BDH1: variants seen among roughly 807,000 people sequenced by gnomAD.
BDH1 encodes 3-hydroxybutyrate dehydrogenase 1.
A neutral mutation model predicts 33.1 loss-of-function variants in BDH1; 30 were observed. The observed-to-expected ratio is 0.91, with a 90% CI of 0.68 to 1.23. The LOEUF (loss-of-function observed/expected upper bound fraction) is 1.23. Ranked by LOEUF, BDH1 falls within the 50% of genes most tolerant of loss-of-function variation. The pLI is 0.00. For synonymous variants in BDH1, 190 were observed against 183.6 expected (o/e 1.03, Z -0.28); for missense variants, 443 against 464.4 (o/e 0.95, Z 0.42).
chr3:197,535,260 G>A lies in BDH1; in HGVS notation c.84-1699C>T, dbSNP rs868818471. 6.6e-5 allele frequency among the ~76,000 whole-genome samples: 10 copies of A among 152,256 alleles called. No homozygotes were observed. The South Asian group carries it at 8.3e-4, about 13-fold the overall frequency. On this transcript the variant is annotated intron_variant, in intron 3 of 7. Transcript: ENST00000392379. ...TCTTTTGCCCATATTCTATTGAATC[G>A]TTCATTCTTCTACCCCGTTGAATGT...
intron 1 of BDH1, among the ~76,000 whole-genome samples, chr3:197,569,098 T>C (rs1717524031): frequency 6.6e-6 from 1 of 152,190 alleles, no homozygotes; most frequent in South Asian, 2.1e-4. Context: ...CCCACAACAA[T>C]ACAACCAGGA....
At chr3:197,538,860 G>A (rs959120901) in intron 3 of BDH1, 1 of 161,940 alleles carries the variant, frequency 6.2e-6, no homozygotes, top group African/African-American at 2.4e-5. Context: ...ATGGTCTCAA[G>A]TGATCAGGAT....
Position 197,510,739 on chromosome 3 carries a change from T to C in BDH1, c.*1156A>G, listed in dbSNP as rs1436492246. 1.4e-5 allele frequency: 2 copies of C among 143,254 alleles called. No individual in the cohort carries two copies. Among genetic ancestry groups the C allele is most frequent in the African/African-American group, 2.6e-5 (1 of 37,962 alleles). 8.9% of individuals were successfully genotyped at this position (143,254 alleles called of 1,614,324 possible). On this transcript the variant is annotated 3_prime_UTR_variant, in exon 8 of 8. Coordinates refer to ENST00000392379, the MANE Select transcript of BDH1 (RefSeq NM_203314.3). ...TGTGTACATGTGTGTAAGCACCACGTGAGGCAAGCAGGGACCCCAAATCCA... is the reference window on the plus strand; with the variant it reads ...TGTGTACATGTGTGTAAGCACCACGCGAGGCAAGCAGGGACCCCAAATCCA...
chr3:197,565,335 A>T (rs9862739), intron 1 of BDH1, among the ~76,000 whole-genome samples: 8,515 of 152,240 alleles, frequency 0.056, 312 homozygotes, highest in African/African-American at 0.087. Flanking sequence ...GGTCAAATGA[A>T]TGACTTATTT....
upstream of BDH1, among the ~76,000 whole-genome samples, chr3:197,556,699 G>C (rs1717063605): frequency 6.6e-6 from 1 of 152,084 alleles, no homozygotes. Flanking sequence ...TGCTTCTCAG[G>C]GTCTTTAAAA....
At chr3:197,565,295 C>CT (rs949357518) in intron 1 of BDH1, among the ~76,000 whole-genome samples, 13 of 151,906 alleles carry the variant, frequency 8.6e-5, no homozygotes, top group Admixed American at 5.2e-4. Context: ...AGGTTTTTGC[C>CT]TTTTTTTTAA....
chr3:197,539,716 C>T (rs909042750), intron 3 of BDH1, among the ~76,000 whole-genome samples: 9 of 152,116 alleles, frequency 5.9e-5, no homozygotes, highest in Admixed American at 3.3e-4. Context: ...CTTGTGGCCC[C>T]GACCCAGGAA....
intron 1 of BDH1, among the ~76,000 whole-genome samples, chr3:197,571,155 T>A (rs1560350467): frequency 6.6e-6 from 1 of 152,230 alleles, no homozygotes; most frequent in Non-Finnish European, 1.5e-5. Flanking sequence ...GACCCATTTC[T>A]CCCATTTGGA....
chr3:197,566,021 A>G (rs943064148), intron 1 of BDH1, among the ~76,000 whole-genome samples: 4 of 152,232 alleles, frequency 2.6e-5, no homozygotes, highest in Non-Finnish European at 5.9e-5. Context: ...TTTCAGATAC[A>G]AGAAAACGTC....
intron 1 of BDH1, among the ~76,000 whole-genome samples, chr3:197,565,511 C>G (rs1349014082): frequency 1.3e-5 from 2 of 152,030 alleles, no homozygotes; most frequent in African/African-American, 2.4e-5. Flanking sequence ...AAAAATCATA[C>G]AGGAAACTTT....
chr3:197,542,249 C>G (rs1312560514), intron 3 of BDH1, among the ~76,000 whole-genome samples: 2 of 152,230 alleles, frequency 1.3e-5, no homozygotes, highest in Admixed American at 6.5e-5. Flanking sequence ...TGGCCCTAGA[C>G]TTCTAGGGGT....
rs911887847 is a variant in BDH1 at position 197,520,916 on chromosome 3, T to C, written c.409+1724A>G. On this transcript the variant is annotated intron_variant, in intron 6 of 7. Coordinates refer to ENST00000392379, the MANE Select transcript of BDH1 (RefSeq NM_203314.3). This position sits in a 1 kb window ranked among gnomAD's most constrained non-coding sequence, Gnocchi z 6.0. ...AACAGAGAGGCCTGTGAATGGCCTG[T>C]TGGGAGGATGGGAGCGACAGTGGGC... is the stretch of plus-strand genomic sequence containing the variant. 5.9e-5 allele frequency among the ~76,000 whole-genome samples: 9 copies of C among 152,066 alleles called. No individual in the cohort carries two copies. Among genetic ancestry groups the C allele is most frequent in the African/African-American group, 2.2e-4 (9 of 41,392 alleles).
In BDH1 at chr3:197,532,526, T is replaced by C. The variant is rs780034347; in HGVS notation, c.157-4A>G. The C allele has an allele frequency of 1.9e-6, 3 of 1,611,294 alleles. No homozygotes were observed. In the South Asian group the frequency reaches 3.3e-5, roughly 18 times the overall value. ...CCAGGACAGCTTTGCTGCCAACCTG[T>C]TTTACAAGGTCAGATTCCATGTTAG... On this transcript the variant is annotated splice_region_variant and splice_polypyrimidine_tract_variant and intron_variant, in intron 4 of 7. Transcript: ENST00000392379.
At chr3:197,548,697 A>G (rs1441778500) in intron 2 of BDH1, among the ~76,000 whole-genome samples, 1 of 151,122 alleles carries the variant, frequency 6.6e-6, no homozygotes, top group Non-Finnish European at 1.5e-5. Flanking sequence ...CTAAAAATAC[A>G]AAAAATAGCC....
intron 1 of BDH1, among the ~76,000 whole-genome samples, chr3:197,561,726 G>A (rs1010874066): frequency 4.6e-5 from 7 of 151,954 alleles, no homozygotes; most frequent in Middle Eastern, 6.8e-3. Context: ...TCCAAATTAC[G>A]GGTAACAAAG....
At chr3:197,524,531 C>T (rs980146254) in intron 5 of BDH1, among the ~76,000 whole-genome samples, 4 of 152,134 alleles carry the variant, frequency 2.6e-5, no homozygotes, top group Non-Finnish European at 4.4e-5. Context: ...AGGTGCTGGA[C>T]GTAGTCACCC....
chr3:197,529,302 G>T, intron 5 of BDH1: 1 of 152,376 alleles, frequency 6.6e-6, no homozygotes, highest in Non-Finnish European at 1.5e-5. Context: ...GTTAATACCG[G>T]TTGAGCATCC....
intron 1 of BDH1, among the ~76,000 whole-genome samples, chr3:197,569,406 T>C (rs1421976429): frequency 1.3e-5 from 2 of 152,236 alleles, no homozygotes; most frequent in African/African-American, 4.8e-5. Context: ...TGGCAATTTC[T>C]GATGTCTTCA....
intron 1 of BDH1, among the ~76,000 whole-genome samples, chr3:197,570,622 T>C (rs939991572): frequency 6.6e-6 from 1 of 152,232 alleles, no homozygotes; most frequent in Non-Finnish European, 1.5e-5. Flanking sequence ...GGGTGCAAAC[T>C]CTAAGACTTG....
Sources: allele counts gnomAD v4.1 joint callset (sites outside exome capture counted in the v4.1 genomes callset), GRCh38; gene constraint gnomAD v4.1.1; non-coding constraint Gnocchi (gnomAD v3.1); transcripts MANE v1.5; gene names NCBI Gene and HGNC (gene_info 2026-07-23, HGNC 2026-07-21).